Variants in CLDN16 observed in about 807,000 individuals in gnomAD.
CLDN16 encodes claudin-16.
CLDN16 carries 13 observed loss-of-function variants against 24.6 expected under a neutral mutation model. That is an observed-to-expected ratio of 0.53 (90% CI 0.34 to 0.84). The LOEUF (loss-of-function observed/expected upper bound fraction) is 0.84. CLDN16 is among the 40% of genes least tolerant of loss of function. CLDN16 has a pLI of 0.01. For missense variants in CLDN16, 298 were observed against 292.7 expected (o/e 1.02, Z -0.13); for synonymous variants, 116 against 106.7 (o/e 1.09, Z -0.54).
intron 1 of CLDN16, among the ~76,000 whole-genome samples, chr3:190,325,143 C>T (rs1222340932): frequency 6.6e-6 from 1 of 152,140 alleles, no homozygotes; most frequent in Non-Finnish European, 1.5e-5. Flanking sequence ...GTGTTGAGGT[C>T]AGAGTTTTAT....
chr3:190,378,085 G>T (rs1202119130), intron 3 of CLDN16, among the ~76,000 whole-genome samples: 1 of 151,924 alleles, frequency 6.6e-6, no homozygotes, highest in Non-Finnish European at 1.5e-5. Context: ...GAAAAACTGG[G>T]ATAAGTTACC....
At chr3:190,346,903 C>T (rs535239062) in intron 1 of CLDN16, among the ~76,000 whole-genome samples, 1 of 152,262 alleles carries the variant, frequency 6.6e-6, no homozygotes, top group Admixed American at 6.5e-5. Context: ...TTGTATGGCT[C>T]ACCCTAATCC....
chr3:190,397,018 GC>G (rs1348338972), intron 1 of CLDN16, among the ~76,000 whole-genome samples: 1 of 152,132 alleles, frequency 6.6e-6, no homozygotes, highest in Non-Finnish European at 1.5e-5. Flanking sequence ...AATGGGAGCA[GC>G]CACTCCTTTC....
intron 1 of CLDN16, among the ~76,000 whole-genome samples, chr3:190,390,431 G>A (rs9990186): frequency 0.19 from 28,365 of 152,114 alleles, 3,085 homozygotes; most frequent in Middle Eastern, 0.29. Flanking sequence ...CTACTAAGGA[G>A]GCTGAGGCAG....
chr3:190,311,830 A>C, the CLDN16 span, among the ~76,000 whole-genome samples: 2 of 151,966 alleles, frequency 1.3e-5, no homozygotes, highest in African/African-American at 4.8e-5. Flanking sequence ...TTTTTTAAAT[A>C]GGCATTATTA....
chr3:190,359,837 T>A (rs182284369), intron 1 of CLDN16, among the ~76,000 whole-genome samples: 6 of 152,090 alleles, frequency 3.9e-5, no homozygotes, highest in Admixed American at 2.6e-4. Context: ...GAGAAAGAAA[T>A]GTTCAGAAAC....
At chr3:190,327,305 G>A (rs1281064894) in intron 1 of CLDN16, among the ~76,000 whole-genome samples, 1 of 152,138 alleles carries the variant, frequency 6.6e-6, no homozygotes, top group African/African-American at 2.4e-5. Flanking sequence ...TTTATTCACA[G>A]TCTACTGATT....
chr3:190,369,907 C>G (rs1426209270), intron 1 of CLDN16, among the ~76,000 whole-genome samples: 3 of 151,920 alleles, frequency 2.0e-5, no homozygotes, highest in Non-Finnish European at 4.4e-5. Context: ...AGTAAAAGGT[C>G]TGAGTAGATG....
chr3:190,347,609 C>T (rs1253279636), intron 1 of CLDN16, among the ~76,000 whole-genome samples: 2 of 152,108 alleles, frequency 1.3e-5, no homozygotes, highest in Admixed American at 6.5e-5. Context: ...TTCCTGCCCT[C>T]ATGGAAATGT....
At chr3:190,356,160 A>G (rs1335748751) in intron 1 of CLDN16, among the ~76,000 whole-genome samples, 1 of 151,730 alleles carries the variant, frequency 6.6e-6, no homozygotes, top group Non-Finnish European at 1.5e-5. Flanking sequence ...ATTTTTTTTC[A>G]GGTTCCTATA....
intron 1 of CLDN16, among the ~76,000 whole-genome samples, chr3:190,338,529 A>T (rs899537957): frequency 2.0e-5 from 3 of 152,184 alleles, no homozygotes; most frequent in Non-Finnish European, 4.4e-5. Flanking sequence ...TTGCCTGGCA[A>T]GTGCGTGGTA....
the CLDN16 span, among the ~76,000 whole-genome samples, chr3:190,297,619 A>T: frequency 7.0e-3 from 787 of 112,152 alleles, 9 homozygotes; most frequent in Non-Finnish European, 0.012. Context: ...TAATATCTAT[A>T]ATATAATATA....
At chr3:190,380,060 C>T (rs957111839) in intron 3 of CLDN16, among the ~76,000 whole-genome samples, 36 of 151,556 alleles carry the variant, frequency 2.4e-4, no homozygotes, top group African/African-American at 8.5e-4. Context: ...TTCTATTAAT[C>T]TATAGTTACT....
the CLDN16 span, among the ~76,000 whole-genome samples, chr3:190,303,115 G>A: frequency 1.3e-5 from 2 of 151,828 alleles, no homozygotes; most frequent in East Asian, 3.9e-4. Context: ...AATACATATT[G>A]TGGTAAAAAA....
At chr3:190,337,582 C>G (rs761020957) in intron 1 of CLDN16, among the ~76,000 whole-genome samples, 12 of 152,318 alleles carry the variant, frequency 7.9e-5, no homozygotes, top group Middle Eastern at 3.4e-3. Flanking sequence ...ACCTATCAAC[C>G]AACACATTTC....
chr3:190,399,766 C>G (rs144619001), intron 1 of CLDN16, among the ~76,000 whole-genome samples: 1 of 152,170 alleles, frequency 6.6e-6, no homozygotes, highest in African/African-American at 2.4e-5. Context: ...TCCACAACCC[C>G]CAGGCCACAG....
At chr3:190,364,180 G>C (rs1349375112) in intron 1 of CLDN16, among the ~76,000 whole-genome samples, 1 of 151,900 alleles carries the variant, frequency 6.6e-6, no homozygotes, top group Non-Finnish European at 1.5e-5. Context: ...AGTACAGTTT[G>C]GTTGAGGGAG....
At chr3:190,358,069 G>A (rs969531610) in intron 1 of CLDN16, among the ~76,000 whole-genome samples, 34 of 151,886 alleles carry the variant, frequency 2.2e-4, no homozygotes, top group African/African-American at 8.0e-4. Context: ...TGACTGGCAC[G>A]TATTGGTGGA....
At chr3:190,405,095 A>C (rs1284667728) in intron 3 of CLDN16, among the ~76,000 whole-genome samples, 169 bp downstream of exon 3, 1 of 152,100 alleles carries the variant, frequency 6.6e-6, no homozygotes, top group African/African-American at 2.4e-5. Flanking sequence ...TTAGCTTTGA[A>C]GTCAGCTAAT....
Sources: gnomAD v4.1 joint callset for allele counts (sites outside exome capture counted in the v4.1 genomes callset) on GRCh38, gnomAD v4.1.1 for gene constraint, MANE v1.5 for transcripts, NCBI Gene and HGNC (gene_info 2026-07-23, HGNC 2026-07-21) for gene names.